Variants in SIGLEC10 observed in about 807,000 individuals in gnomAD.
SIGLEC10 encodes sialic acid-binding Ig-like lectin 10.
Under a neutral mutation model 68.3 loss-of-function variants are expected in SIGLEC10, and 45 were observed. The observed-to-expected ratio is 0.66, with a 90% CI of 0.52 to 0.84. The LOEUF (loss-of-function observed/expected upper bound fraction) is 0.84, where lower values mean the gene tolerates loss of function less well. SIGLEC10 is among the 40% of genes least tolerant of loss of function. The pLI, the probability that SIGLEC10 is intolerant of heterozygous loss-of-function variation, is 0.00. For synonymous variants in SIGLEC10, 379 were observed against 370.8 expected, an observed-to-expected ratio of 1.02 and a Z score of -0.26; for missense variants, 789 against 883.1, an observed-to-expected ratio of 0.89 and a Z score of 1.35.
At chr19:51,416,569 C>T (rs760706201) in intron 3 of SIGLEC10, 97 bp downstream of exon 3, 2 of 1,584,990 alleles carry the variant, frequency 1.3e-6, no homozygotes, top group South Asian at 1.1e-5. Flanking sequence ...TCCCTGGATG[C>T]TCCTGAGCTG....
chr19:51,414,427 C>T lies in SIGLEC10; in HGVS notation c.1704G>A (p.Leu568=), dbSNP rs763437568. ...ITALLFLCLA[L]IIMKILPKRR... ...CACGCCTCCTCTTAACCTACATGAT[C>T]AGGGCCAGGCAGAGGAAAAGAAGAG... is the stretch of plus-strand genomic sequence containing the variant. The change falls in exon 9 of 11, where the codon CTG becomes CTA. Residue 568 remains leucine, a synonymous_variant. Coordinates refer to ENST00000339313, the MANE Select transcript of SIGLEC10 (RefSeq NM_033130.5). This position sits in a 1 kb window ranked among gnomAD's most constrained non-coding sequence, Gnocchi z 4.1. 6.2e-6 allele frequency: 10 copies of T among 1,613,444 alleles called. No individual in the cohort carries two copies. Among genetic ancestry groups the T allele is most frequent in the African/African-American group, 2.7e-5 (2 of 74,882 alleles).
Position 51,417,400 on chromosome 19 carries a change from G to A in SIGLEC10, c.103C>T (p.Leu35=), listed in dbSNP as rs753596630. 6.2e-7 allele frequency: 1 copy of A among 1,614,204 alleles called. No homozygotes were observed. The highest frequency in any genetic ancestry group is 8.5e-7 in the Non-Finnish European group (1 of 1,180,028). Residue 35 remains leucine, a synonymous_variant, in exon 2 of 11, where the codon CTG becomes TTG. Coordinates refer to ENST00000339313, the MANE Select transcript of SIGLEC10 (RefSeq NM_033130.5). ...AAAGAGCAGGGCACAGAGATGCACA[G>A]GCCCTCCGGCACCATCACTGACTCC... is the stretch of plus-strand genomic sequence containing the variant. ...VQESVMVPEG[L]CISVPCSFSY...
In SIGLEC10 at chr19:51,415,414, G is replaced by A. The variant is rs771597192; in HGVS notation, c.1097C>T (p.Thr366Met). ...RTVLENLGNG[T>M]SLPVLEGQSL... Reference sequence around the variant, plus strand: ...TTGGCCCTCCAGTACTGGGAGAGACGTGCCGTTCCCAAGGTTTTCCAGGAC... The same window carrying A: ...TTGGCCCTCCAGTACTGGGAGAGACATGCCGTTCCCAAGGTTTTCCAGGAC... Residue 366 changes from threonine to methionine, a missense_variant, in exon 7 of 11, where the codon ACG becomes ATG. Transcript: ENST00000339313. 72 of 1,605,180 alleles carry A rather than the reference G, an allele frequency of 4.5e-5. No homozygotes were observed. Among genetic ancestry groups the A allele is most frequent in the Middle Eastern group, 3.3e-4 (2 of 6,020 alleles).
Position 51,415,513 on chromosome 19 carries a change from C to G in SIGLEC10, c.1072+55G>C. On this transcript the variant is annotated intron_variant, in intron 6 of 10. Coordinates refer to ENST00000339313, the MANE Select transcript of SIGLEC10 (RefSeq NM_033130.5). ...CTCCTGCGTGGGGACCCTCCAGACT[C>G]CTGGGCCCCCAATTCGGCACTGAGA... is the stretch of plus-strand genomic sequence containing the variant. The G allele has an allele frequency of 4.3e-6, 7 of 1,614,102 alleles. No individual in the cohort carries two copies. The Admixed American group carries it at 1.2e-4, about 27-fold the overall frequency.
chr19:51,414,459 T>G lies in SIGLEC10; in HGVS notation c.1672A>C (p.Ile558Leu), dbSNP rs1269788925. 1.9e-6 allele frequency: 3 copies of G among 1,613,952 alleles called. No individual in the cohort carries two copies. The highest frequency in any genetic ancestry group is 2.5e-6 in the Non-Finnish European group (3 of 1,180,004). Residue 558 changes from isoleucine to leucine, a missense_variant, in exon 9 of 11, where the codon ATC (isoleucine) becomes CTC (leucine). Transcript: ENST00000339313. This position sits in a 1 kb window ranked among gnomAD's most constrained non-coding sequence, Gnocchi z 4.1. The part of the protein sequence containing the change: ...FSNGAFLGIG[I>L]TALLFLCLAL... ...AGGCAGAGGAAAAGAAGAGCCGTGATGCCGATTCCCAGAAACGCTCCGTTG... is the reference window on the plus strand; with the variant it reads ...AGGCAGAGGAAAAGAAGAGCCGTGAGGCCGATTCCCAGAAACGCTCCGTTG...
intron 6 of SIGLEC10, 48 bp from the exon 7 acceptor site, chr19:51,415,486 C>A (rs745465252): frequency 1.2e-6 from 2 of 1,613,450 alleles, no homozygotes; most frequent in South Asian, 1.1e-5. Flanking sequence ...GGCTCAGGGA[C>A]CCTCCTGCGT....
At position 51,411,235 on chromosome 19, in the gene SIGLEC10, G is replaced by A. The variant is rs775255585; in HGVS notation, c.1958C>T (p.Thr653Ile). The change falls in exon 11 of 11, where the codon ACT becomes ATT. Residue 653 changes from threonine (T) to isoleucine (I), a missense_variant. By Grantham distance (89) the Thr-to-Ile change is moderately conservative. Transcript: ENST00000339313. Reference sequence around the variant, plus strand: ...GCTCTCCTGGGATTCTGGGGCTTGAGTGGATGATTTGGGTTCTGGGAAACT... The same window carrying A: ...GCTCTCCTGGGATTCTGGGGCTTGAATGGATGATTTGGGTTCTGGGAAACT... ...LPSFPEPKSSTQAPESQESQE... is the reference protein window; with the variant it reads ...LPSFPEPKSSIQAPESQESQE... 5 of 1,614,062 alleles carry A rather than the reference G, an allele frequency of 3.1e-6. No homozygotes were observed. The highest frequency in any genetic ancestry group is 2.7e-5 in the African/African-American group (2 of 74,928).
chr19:51,411,473 C>T (rs1988006978), intron 10 of SIGLEC10, 102 bp from the exon 11 acceptor site: 1 of 1,431,190 alleles, frequency 7.0e-7, no homozygotes, highest in African/African-American at 1.4e-5. Flanking sequence ...AACTAAGTCC[C>T]TGCCCTTGCC....
chr19:51,417,385 G>A lies in SIGLEC10; in HGVS notation c.118C>T (p.Pro40Ser). ...MVPEGLCISV[P>S]CSFSYPRQDW... ...TGTCGGGGGTAGGAGAAAGAGCAGG[G>A]CACAGAGATGCACAGGCCCTCCGGC... is the stretch of plus-strand genomic sequence containing the variant. Residue 40 changes from proline (P) to serine (S), a missense_variant, in exon 2 of 11, where the codon CCC becomes TCC. Transcript: ENST00000339313. The A allele has an allele frequency of 1.2e-6, 2 of 1,614,182 alleles. No individual in the cohort carries two copies. The highest frequency in any genetic ancestry group is 1.7e-6 in the Non-Finnish European group (2 of 1,180,028).
intron 10 of SIGLEC10, among the ~76,000 whole-genome samples, chr19:51,411,914 G>A (rs941070014): frequency 6.6e-6 from 1 of 151,802 alleles, no homozygotes; most frequent in African/African-American, 2.4e-5. Context: ...AGGCTGAGGC[G>A]GGTGGATCAC....
chr19:51,414,154 G>A lies in SIGLEC10; in HGVS notation c.1709+268C>T, dbSNP rs1464166282. Reference sequence around the variant, plus strand: ...TGGTCAGCTGTTTAATTGATCACAGGTTCATATTATTACTAACAAGCTTCA... The same window carrying A: ...TGGTCAGCTGTTTAATTGATCACAGATTCATATTATTACTAACAAGCTTCA... On this transcript the variant is annotated intron_variant, in intron 9 of 10. Transcript: ENST00000339313. The surrounding 1 kb of genome is among the most constrained non-coding windows in gnomAD (Gnocchi z 4.1). 3 of 561,658 alleles carry A rather than the reference G, an allele frequency of 5.3e-6. No homozygotes were observed. The highest frequency in any genetic ancestry group is 2.1e-5 in the South Asian group (1 of 48,106). The allele number at this position is 561,658 out of a possible 1,614,324, so 34.8% of individuals were successfully genotyped here.
At chr19:51,412,680 T>C (rs1472050816) in intron 10 of SIGLEC10, among the ~76,000 whole-genome samples, 2 of 152,130 alleles carry the variant, frequency 1.3e-5, no homozygotes, top group South Asian at 4.1e-4. Context: ...TTCACCATGT[T>C]GAACACGCTG....
Position 51,410,964 on chromosome 19 carries a change from AAGAGAGAGAAAGAGAGAG to A in SIGLEC10, c.*117_*134del, listed in dbSNP as rs1472402223. Reference sequence around the variant, plus strand: ...GTGCCCTGGCCAGATGTTTTTTTAAAAGAGAGAGAAAGAGAGAGAGAGAGAGAAAGAGAGAGAGAGAGG... The same window carrying A: ...GTGCCCTGGCCAGATGTTTTTTTAAAAGAGAGAGAAAGAGAGAGAGAGAGG... On this transcript the variant is annotated 3_prime_UTR_variant, in exon 11 of 11. Coordinates refer to ENST00000339313, the MANE Select transcript of SIGLEC10 (RefSeq NM_033130.5). The A allele has an allele frequency of 3.1e-5, 33 of 1,072,744 alleles. No individual in the cohort carries two copies. Among genetic ancestry groups the A allele is most frequent in the African/African-American group, 1.3e-4 (8 of 60,174 alleles). 66.5% of individuals were successfully genotyped at this position (1,072,744 alleles called of 1,614,324 possible). A position where few individuals can be genotyped will look rare whatever the true frequency, so the allele number is the denominator to read the frequency against.
chr19:51,414,276 T>C lies in SIGLEC10; in HGVS notation c.1709+146A>G. 1.5e-6 allele frequency: 1 copy of C among 677,750 alleles called. No homozygotes were observed. The highest frequency in any genetic ancestry group is 2.5e-6 in the Non-Finnish European group (1 of 394,726). The allele number at this position is 677,750 out of a possible 1,614,324, so 42.0% of individuals were successfully genotyped here. On this transcript the variant is annotated intron_variant, in intron 9 of 10. Transcript: ENST00000339313. This position sits in a 1 kb window ranked among gnomAD's most constrained non-coding sequence, Gnocchi z 4.1. ...GCAGTTTGTCAGTTGGACAACATTCTGCATTTATGAGAACAGTTTGCTGTT... is the reference window on the plus strand; with the variant it reads ...GCAGTTTGTCAGTTGGACAACATTCCGCATTTATGAGAACAGTTTGCTGTT...
At position 51,417,069 on chromosome 19, in the gene SIGLEC10, C is replaced by T. The variant is rs1568502566; in HGVS notation, c.421+13G>A. 6.2e-7 allele frequency: 1 copy of T among 1,612,172 alleles called. No homozygotes were observed. Among genetic ancestry groups the T allele is most frequent in the South Asian group, 1.1e-5 (1 of 90,884 alleles). Reference sequence around the variant, plus strand: ...CCAGTGTGAGAGGCAGGGGTTCCCACCCCATTCCATACCTGTTACTTTTAG... The same window carrying T: ...CCAGTGTGAGAGGCAGGGGTTCCCATCCCATTCCATACCTGTTACTTTTAG... On this transcript the variant is annotated intron_variant, in intron 2 of 10. Transcript: ENST00000339313.
In SIGLEC10 at chr19:51,416,009, G is replaced by C; in HGVS notation, c.913C>G (p.Pro305Ala). 6.3e-7 allele frequency: 1 copy of C among 1,579,874 alleles called. No homozygotes were observed. The highest frequency in any genetic ancestry group is 8.7e-7 in the Non-Finnish European group (1 of 1,156,064). ...ACCCCGGGCAGCTCCAGCCCCAGGG[G>C]TCTAGGGCCCCAGGGATGGGACGAG... ...LSSSHPWGPR[P>A]LGLELPGVKA... is the part of the protein sequence containing the mutation. The change falls in exon 5 of 11, where the codon CCC becomes GCC. Residue 305 changes from proline (P) to alanine (A), a missense_variant. Transcript: ENST00000339313.
Position 51,413,809 on chromosome 19 carries a change from G to A in SIGLEC10, c.1724C>T (p.Pro575Leu), listed in dbSNP as rs775153809. 38 of 1,613,820 alleles carry A rather than the reference G, an allele frequency of 2.4e-5. No individual in the cohort carries two copies. The highest frequency in any genetic ancestry group is 6.7e-5 in the East Asian group (3 of 44,890). ...GGTTTCTGTCTGAGTCCGTCTCTTC[G>A]GTAGAATCTTCATGCTGAGGAAATG... ...CLALIIMKIL[P>L]KRRTQTETPR... Residue 575 changes from proline (P) to leucine (L), a missense_variant, in exon 10 of 11, where the codon CCG becomes CTG. Pro to Leu is a moderately conservative substitution (Grantham distance 98). Transcript: ENST00000339313.
At chr19:51,413,153 A>T (rs1034663833) in intron 10 of SIGLEC10, among the ~76,000 whole-genome samples, 1 of 152,168 alleles carries the variant, frequency 6.6e-6, no homozygotes, top group African/African-American at 2.4e-5. Flanking sequence ...ACAGAGTATT[A>T]CCCAGGGGCC....
rs1988372281 is a variant in SIGLEC10 at position 51,414,560 on chromosome 19, G to C, written c.1616-45C>G. 2 of 1,575,474 alleles carry C rather than the reference G, an allele frequency of 1.3e-6. No homozygotes were observed. Among genetic ancestry groups the C allele is most frequent in the Non-Finnish European group, 1.7e-6 (2 of 1,148,474 alleles). On this transcript the variant is annotated intron_variant, in intron 8 of 10. Transcript: ENST00000339313. The surrounding 1 kb of genome is among the most constrained non-coding windows in gnomAD (Gnocchi z 4.1). ...GGTGAGCATTTCCCATCCACGCAGGGCTCACGAAGCCCGCTCATCACTCGG... is the reference window on the plus strand; with the variant it reads ...GGTGAGCATTTCCCATCCACGCAGGCCTCACGAAGCCCGCTCATCACTCGG...
Sources: gnomAD v4.1 joint callset for allele counts (sites outside exome capture counted in the v4.1 genomes callset) on GRCh38, gnomAD v4.1.1 for gene constraint, Gnocchi (gnomAD v3.1) non-coding constraint, MANE v1.5 for transcripts, NCBI Gene and HGNC (gene_info 2026-07-23, HGNC 2026-07-21) for gene names.